Variants in SNPH observed in about 807,000 individuals in gnomAD.
The protein encoded by SNPH is syntaphilin.
A neutral mutation model predicts 36.8 loss-of-function variants in SNPH; 10 were observed. The observed-to-expected ratio is 0.27, with a 90% CI of 0.17 to 0.46. The LOEUF is 0.46. Among genes scored for constraint, SNPH ranks in the 20% least tolerant of loss-of-function variants. The pLI is 1.00. For missense variants in SNPH, 622 were observed against 744.0 expected (o/e 0.84, Z 1.91); for synonymous variants, 281 against 312.2 (o/e 0.90, Z 1.05).
At chr20:1,303,312 C>T (rs1443735872) in intron 6 of SNPH, among the ~76,000 whole-genome samples, 4 of 152,234 alleles carry the variant, frequency 2.6e-5, no homozygotes, top group African/African-American at 9.6e-5. Context: ...GATGTGATGC[C>T]CACTGAGGCG....
intron 2 of SNPH, among the ~76,000 whole-genome samples, chr20:1,269,773 C>A (rs573631447): frequency 6.6e-6 from 1 of 152,146 alleles, no homozygotes; most frequent in Middle Eastern, 3.2e-3. Flanking sequence ...GAATGACAGT[C>A]AGGACAGACA....
At chr20:1,280,996 G>A (rs746848129) in intron 2 of SNPH, among the ~76,000 whole-genome samples, 7 of 152,170 alleles carry the variant, frequency 4.6e-5, no homozygotes, top group Non-Finnish European at 8.8e-5. Context: ...CTGCAACTCT[G>A]GGTGGAGTGG....
In SNPH at chr20:1,266,903, C is replaced by G; in HGVS notation, c.-493+143C>G. 1.7e-5 allele frequency: 20 copies of G among 1,156,398 alleles called. No individual in the cohort carries two copies. The highest frequency in any genetic ancestry group is 2.1e-5 in the Non-Finnish European group (19 of 913,686). 71.6% of individuals were successfully genotyped at this position (1,156,398 alleles called of 1,614,324 possible). A position where few individuals can be genotyped will look rare whatever the true frequency, so the allele number is the denominator to read the frequency against. On this transcript the variant is annotated intron_variant, in intron 2 of 6. Coordinates refer to ENST00000381867, the MANE Select transcript of SNPH (RefSeq NM_001318234.2). The surrounding 1 kb of genome is among the most constrained non-coding windows in gnomAD (Gnocchi z 6.0). ...TAATCGTGACTCATTCTTACCCTCC[C>G]TTCATTCCCCTACATCCCTTTAAGC...
chr20:1,303,410 G>C (rs2088527387), intron 6 of SNPH, among the ~76,000 whole-genome samples: 1 of 152,364 alleles, frequency 6.6e-6, no homozygotes, highest in South Asian at 2.1e-4. Context: ...ATCATGCCCA[G>C]TTCCTTCTTT....
intron 2 of SNPH, among the ~76,000 whole-genome samples, chr20:1,286,568 C>T (rs1483540682): frequency 6.6e-6 from 1 of 152,136 alleles, no homozygotes; most frequent in Non-Finnish European, 1.5e-5. Flanking sequence ...CCAACAGGAG[C>T]GGCATGCCTG....
intron 2 of SNPH, among the ~76,000 whole-genome samples, chr20:1,289,397 G>T (rs183460183): frequency 4.6e-5 from 7 of 152,230 alleles, no homozygotes; most frequent in South Asian, 4.2e-4. Context: ...TCAGGTAGAG[G>T]GGGGGCACTG....
intron 2 of SNPH, among the ~76,000 whole-genome samples, chr20:1,282,204 C>G (rs2122304480): frequency 6.6e-6 from 1 of 152,294 alleles, no homozygotes; most frequent in Non-Finnish European, 1.5e-5. Context: ...CTTTTCGACC[C>G]TATAAATCCA....
At chr20:1,269,286 A>G (rs1412559099) in intron 2 of SNPH, among the ~76,000 whole-genome samples, 1 of 152,238 alleles carries the variant, frequency 6.6e-6, no homozygotes, top group Non-Finnish European at 1.5e-5. Flanking sequence ...CATTCTGTCG[A>G]GTGGATTTTG....
intron 2 of SNPH, among the ~76,000 whole-genome samples, chr20:1,293,512 A>G (rs1481061301): frequency 6.6e-6 from 1 of 152,154 alleles, no homozygotes; most frequent in Non-Finnish European, 1.5e-5. Flanking sequence ...GACAAACACC[A>G]TGGCAACCTG....
At chr20:1,298,950 A>G (rs1444062656) in intron 5 of SNPH, among the ~76,000 whole-genome samples, 1 of 151,754 alleles carries the variant, frequency 6.6e-6, no homozygotes, top group Non-Finnish European at 1.5e-5. Context: ...AGAATGTAAA[A>G]TAGTTACTTC....
At chr20:1,289,254 C>T (rs1014883296) in intron 2 of SNPH, among the ~76,000 whole-genome samples, 1 of 151,982 alleles carries the variant, frequency 6.6e-6, no homozygotes, top group Non-Finnish European at 1.5e-5. Context: ...ACCTGGCCTC[C>T]CTCTATGGGG....
chr20:1,303,933 T>G (rs929432029), intron 6 of SNPH, among the ~76,000 whole-genome samples: 10 of 152,172 alleles, frequency 6.6e-5, no homozygotes, highest in Non-Finnish European at 1.5e-4. Context: ...ATGATTTTCC[T>G]TCTTCCTCAC....
Position 1,276,863 on chromosome 20 carries a change from T to G in SNPH, c.-493+10103T>G, listed in dbSNP as rs2088138339. ...GATGTTGGGCTTTGAAACCTTCAGA[T>G]TCTTTCCTGTCCAGAATTTTTGCGA... On this transcript the variant is annotated intron_variant, in intron 2 of 6. Transcript: ENST00000381867. This position sits in a 1 kb window ranked among gnomAD's most constrained non-coding sequence, Gnocchi z 4.6. Among the ~76,000 whole-genome samples the G allele has an allele frequency of 1.3e-5, 2 of 152,208 alleles. No homozygotes were observed. Among genetic ancestry groups the G allele is most frequent in the African/African-American group, 4.8e-5 (2 of 41,450 alleles).
In SNPH at chr20:1,296,310, G is replaced by T. The variant is rs373921517; in HGVS notation, c.71G>T (p.Arg24Leu). The T allele has an allele frequency of 6.6e-7, 1 of 1,506,988 alleles. No homozygotes were observed. The highest frequency in any genetic ancestry group is 9.1e-7 in the Non-Finnish European group (1 of 1,101,804). 93.4% of individuals were successfully genotyped at this position (1,506,988 alleles called of 1,614,324 possible). The change falls in exon 4 of 7, where the codon CGC becomes CTC. Residue 24 changes from arginine (R) to leucine (L), a missense_variant. Coordinates refer to ENST00000381867, the MANE Select transcript of SNPH (RefSeq NM_001318234.2). ...GPALSAGPPT[R>L]PLSSAPGIPP... ...GCCCTTTCTGCGGGCCCCCCAACCC[G>T]CCCTCTCTCCTCAGCCCCCGGGATA...
intron 2 of SNPH, among the ~76,000 whole-genome samples, chr20:1,280,413 G>T (rs1021831855): frequency 6.6e-6 from 1 of 152,216 alleles, no homozygotes; most frequent in Non-Finnish European, 1.5e-5. Context: ...GAAGAGGCTT[G>T]GGAGAGCTTT....
intron 2 of SNPH, among the ~76,000 whole-genome samples, chr20:1,273,847 T>C (rs562239645): frequency 6.6e-6 from 1 of 152,260 alleles, no homozygotes; most frequent in Admixed American, 6.5e-5. Context: ...CCTTGTTTTA[T>C]AGAGAAAGAC....
At chr20:1,278,796 G>A (rs1049894145) in intron 2 of SNPH, among the ~76,000 whole-genome samples, 2 of 152,088 alleles carry the variant, frequency 1.3e-5, no homozygotes, top group African/African-American at 4.8e-5. Context: ...CAATTCTCCT[G>A]CCTCAGCCTC....
rs1160807339 is a variant in SNPH at position 1,277,463 on chromosome 20, CTGTG to C, written c.-493+10711_-493+10714del. 4.2e-5 allele frequency among the ~76,000 whole-genome samples: 6 copies of C among 142,236 alleles called. 1 individual carries two copies. The South Asian group carries it at 7.1e-4, about 17-fold the overall frequency. The allele number at this position is 142,236 out of a possible 152,430, so 93.3% of individuals were successfully genotyped here. A position where few individuals can be genotyped will look rare whatever the true frequency, so the allele number is the denominator to read the frequency against. On this transcript the variant is annotated intron_variant, in intron 2 of 6. Transcript: ENST00000381867. ...CCTGTGTGTGTGTCCATGTGTATGC[CTGTG>C]TGTGTGTCTGTCTGTGCCTGTGTAT...
At chr20:1,282,361 G>A (rs2088235794) in intron 2 of SNPH, among the ~76,000 whole-genome samples, 1 of 152,196 alleles carries the variant, frequency 6.6e-6, no homozygotes, top group Non-Finnish European at 1.5e-5. Flanking sequence ...CCCATCAAAT[G>A]GAATACTATG....
Sources: gnomAD v4.1 joint callset for allele counts (sites outside exome capture counted in the v4.1 genomes callset) on GRCh38, gnomAD v4.1.1 for gene constraint, Gnocchi (gnomAD v3.1) non-coding constraint, MANE v1.5 for transcripts, NCBI Gene and HGNC (gene_info 2026-07-23, HGNC 2026-07-21) for gene names.